Variants in MARCHF11 observed in about 807,000 individuals in gnomAD.
The protein encoded by MARCHF11 is membrane associated ring-CH-type finger 11.
A neutral mutation model predicts 37.3 loss-of-function variants in MARCHF11; 29 were observed. The observed-to-expected ratio is 0.78, with a 90% confidence interval of 0.58 to 1.06. MARCHF11 has a LOEUF of 1.06. MARCHF11 is among the 50% of genes least tolerant of loss of function. The probability of loss-of-function intolerance (pLI) is 0.00; values close to 1 mark genes in which losing one functional copy is unlikely to be tolerated. For missense variants in MARCHF11, 482 were observed against 533.4 expected (o/e 0.90, Z 0.95); for synonymous variants, 233 against 228.0 (o/e 1.02, Z -0.20).
At chr5:16,168,211 A>G (rs1172491840) in intron 2 of MARCHF11, among the ~76,000 whole-genome samples, 1 of 152,086 alleles carries the variant, frequency 6.6e-6, no homozygotes, top group Non-Finnish European at 1.5e-5. Flanking sequence ...AACAAATATG[A>G]GTTTCAGTCT....
At chr5:16,101,362 C>A (rs566960158) in intron 2 of MARCHF11, among the ~76,000 whole-genome samples, 1 of 152,040 alleles carries the variant, frequency 6.6e-6, no homozygotes, top group Non-Finnish European at 1.5e-5. Context: ...GGCAACAGAG[C>A]GAGACTCCAT....
intron 2 of MARCHF11, among the ~76,000 whole-genome samples, chr5:16,106,390 T>C (rs11959438): frequency 0.017 from 2,591 of 152,310 alleles, 66 homozygotes; most frequent in African/African-American, 0.058. Flanking sequence ...TGTTAAAATA[T>C]GATTGTTCTT....
chr5:16,148,776 TAAAG>T (rs1737845262), intron 2 of MARCHF11, among the ~76,000 whole-genome samples: 1 of 152,056 alleles, frequency 6.6e-6, no homozygotes, highest in Non-Finnish European at 1.5e-5. Flanking sequence ...CTAAAAATCT[TAAAG>T]AGACTGAGAT....
chr5:16,174,004 T>C (rs2126611521), intron 2 of MARCHF11, among the ~76,000 whole-genome samples: 1 of 152,360 alleles, frequency 6.6e-6, no homozygotes, highest in Middle Eastern at 3.4e-3. Flanking sequence ...ACAGTCTGTC[T>C]TTTATAGAAA....
chr5:16,076,340 T>C (rs1736517955), intron 3 of MARCHF11, among the ~76,000 whole-genome samples: 2 of 152,176 alleles, frequency 1.3e-5, no homozygotes, highest in Non-Finnish European at 2.9e-5. Flanking sequence ...AGAAAAATTG[T>C]TATATTATCT....
rs2126540742 is a variant in MARCHF11, at chr5:16,067,638, A to G, written c.1042T>C (p.Leu348=). Residue 348 remains leucine, a synonymous_variant, in exon 4 of 4, where the codon TTG becomes CTG. Coordinates refer to ENST00000332432, the MANE Select transcript of MARCHF11 (RefSeq NM_001102562.3). Reference sequence around the variant, plus strand: ...AAGTTTCTGTTCCGCAGAGCTGTCAATGGCAACCACAAAGTCCTACTTGTG... The same window carrying G: ...AAGTTTCTGTTCCGCAGAGCTGTCAGTGGCAACCACAAAGTCCTACTTGTG... The part of the protein sequence containing the change: ...SSTSRTLWLP[L]TALRNRNLVH... 5.0e-6 allele frequency: 8 copies of G among 1,614,010 alleles called. No individual in the cohort carries two copies. Among genetic ancestry groups the G allele is most frequent in the Non-Finnish European group, 6.8e-6 (8 of 1,179,872 alleles).
chr5:16,163,748 T>G (rs1349430489), intron 2 of MARCHF11, among the ~76,000 whole-genome samples: 2 of 151,956 alleles, frequency 1.3e-5, no homozygotes, highest in East Asian at 1.9e-4. Context: ...CCTCTAAAAT[T>G]TATAGGTTAA....
chr5:16,173,400 C>T (rs955243247), intron 2 of MARCHF11, among the ~76,000 whole-genome samples: 1 of 152,222 alleles, frequency 6.6e-6, no homozygotes, highest in African/African-American at 2.4e-5. Context: ...TTGAATAGTG[C>T]TGTCCTGTGC....
chr5:16,179,620 G>A lies in MARCHF11; in HGVS notation c.-45C>T. ...TCCTGCCGGCCCGGCTGGCGGGCCGGGCTCTGGCTGCAGGGAAAGAGAGCG... is the reference window on the plus strand; with the variant it reads ...TCCTGCCGGCCCGGCTGGCGGGCCGAGCTCTGGCTGCAGGGAAAGAGAGCG... On this transcript the variant is annotated 5_prime_UTR_variant, in exon 1 of 4. Coordinates refer to ENST00000332432, the MANE Select transcript of MARCHF11 (RefSeq NM_001102562.3). The A allele has an allele frequency of 8.7e-7, 1 of 1,143,672 alleles. No individual in the cohort carries two copies. Among genetic ancestry groups the A allele is most frequent in the East Asian group, 4.1e-5 (1 of 24,534 alleles). The allele number at this position is 1,143,672 out of a possible 1,614,324, so 70.8% of individuals were successfully genotyped here.
rs144992177 is a variant in MARCHF11 at position 16,067,530 on chromosome 5, C to G, written c.1150G>C (p.Glu384Gln). 31 of 1,613,946 alleles carry G rather than the reference C, an allele frequency of 1.9e-5. No individual in the cohort carries two copies. In the East Asian group the frequency reaches 6.7e-4, roughly 35 times the overall value. Residue 384 changes from glutamate (E) to glutamine (Q), a missense_variant, in exon 4 of 4, where the codon GAA (glutamate) becomes CAA (glutamine). Coordinates refer to ENST00000332432, the MANE Select transcript of MARCHF11 (RefSeq NM_001102562.3). The stretch of plus-strand genomic sequence containing the variant: ...GAGCTGTTATCTTCTGATAAGTCTT[C>G]ATGGGGCCTCATCCGATTGAACAGG... ...LHLFNRMRPH[E>Q]DLSEDNSSGE...
intron 3 of MARCHF11, among the ~76,000 whole-genome samples, chr5:16,090,312 T>C (rs909322172): frequency 1.1e-4 from 16 of 152,202 alleles, no homozygotes; most frequent in Non-Finnish European, 1.9e-4. Flanking sequence ...GGGTTTATTT[T>C]AGCTAAAATG....
chr5:16,073,398 C>G (rs572861894), intron 3 of MARCHF11, among the ~76,000 whole-genome samples: 47 of 152,122 alleles, frequency 3.1e-4, no homozygotes, highest in Non-Finnish European at 6.3e-4. Context: ...GTTGTGGAAA[C>G]TTAGATGTGA....
chr5:16,150,859 A>G (rs1327968432), intron 2 of MARCHF11, among the ~76,000 whole-genome samples: 1 of 152,038 alleles, frequency 6.6e-6, no homozygotes, highest in Non-Finnish European at 1.5e-5. Context: ...ACCAGCTTCA[A>G]GAGAACATTG....
intron 2 of MARCHF11, among the ~76,000 whole-genome samples, chr5:16,122,800 A>T (rs1255737626): frequency 1.3e-5 from 2 of 152,176 alleles, no homozygotes; most frequent in Non-Finnish European, 2.9e-5. Context: ...TGGAAAGCAC[A>T]TCATCAAAGG....
At chr5:16,142,457 A>G (rs933291972) in intron 2 of MARCHF11, among the ~76,000 whole-genome samples, 1 of 152,142 alleles carries the variant, frequency 6.6e-6, no homozygotes, top group African/African-American at 2.4e-5. Context: ...GACAGCTCGC[A>G]GGGTAAACAC....
intron 2 of MARCHF11, among the ~76,000 whole-genome samples, chr5:16,102,445 C>A (rs568025667): frequency 6.6e-6 from 1 of 152,170 alleles, no homozygotes; most frequent in Non-Finnish European, 1.5e-5. Context: ...TGTTCTACCA[C>A]GCCCTCTGTC....
At chr5:16,149,797 C>G (rs2126597046) in intron 2 of MARCHF11, among the ~76,000 whole-genome samples, 1 of 152,216 alleles carries the variant, frequency 6.6e-6, no homozygotes, top group East Asian at 1.9e-4. Flanking sequence ...AGCTGCATAG[C>G]TGACCAGTGG....
At chr5:16,111,328 C>T (rs1737134036) in intron 2 of MARCHF11, among the ~76,000 whole-genome samples, 1 of 152,090 alleles carries the variant, frequency 6.6e-6, no homozygotes, top group Admixed American at 6.6e-5. Flanking sequence ...ACTAAAATGC[C>T]AACAATGATA....
At chr5:16,081,969 C>T (rs1736616775) in intron 3 of MARCHF11, among the ~76,000 whole-genome samples, 1 of 152,136 alleles carries the variant, frequency 6.6e-6, no homozygotes, top group Non-Finnish European at 1.5e-5. Flanking sequence ...TCACTCATAA[C>T]CAACTATGAT....
Sources: gnomAD v4.1 joint callset for allele counts (sites outside exome capture counted in the v4.1 genomes callset) on GRCh38, gnomAD v4.1.1 for gene constraint, MANE v1.5 for transcripts, NCBI Gene and HGNC (gene_info 2026-07-23, HGNC 2026-07-21) for gene names.